RGS6: variants seen among roughly 807,000 people sequenced by gnomAD.
RGS6 encodes regulator of G-protein signaling 6.
Under a neutral mutation model 78.5 loss-of-function variants are expected in RGS6, and 30 were observed. That is an observed-to-expected ratio of 0.38 (90% CI 0.29 to 0.52). The LOEUF (loss-of-function observed/expected upper bound fraction) is 0.52. Ranked by LOEUF, RGS6 falls within the 20% of genes least tolerant of loss-of-function variation. The pLI is 0.85. For missense variants in RGS6, 495 were observed against 609.7 expected (o/e 0.81, Z 1.98); for synonymous variants, 206 against 206.0 (o/e 1.00, Z 0.00).
chr14:72,184,615 T>G (rs774510922), intron 2 of RGS6, among the ~76,000 whole-genome samples: 17 of 152,200 alleles, frequency 1.1e-4, no homozygotes, highest in Admixed American at 6.5e-5. Context: ...ATGCTCTGTT[T>G]GAAATAAAAG....
At chr14:72,180,671 G>T (rs1293101073) in intron 2 of RGS6, among the ~76,000 whole-genome samples, 3 of 152,222 alleles carry the variant, frequency 2.0e-5, no homozygotes, top group Non-Finnish European at 4.4e-5. Flanking sequence ...GTCCCCAAGA[G>T]TTCTTGTGTT....
At chr14:71,994,192 G>T (rs1477772052) in intron 2 of RGS6, among the ~76,000 whole-genome samples, 1 of 151,890 alleles carries the variant, frequency 6.6e-6, no homozygotes, top group Non-Finnish European at 1.5e-5. Flanking sequence ...TCTACTTGGG[G>T]TGTCTTTGAT....
intron 2 of RGS6, among the ~76,000 whole-genome samples, chr14:72,303,533 C>A (rs575798921): frequency 6.4e-4 from 98 of 152,160 alleles, no homozygotes; most frequent in African/African-American, 2.3e-3. Flanking sequence ...AAATGAAAAA[C>A]CAGCTTCCCT....
intron 2 of RGS6, among the ~76,000 whole-genome samples, chr14:72,041,937 T>A (rs1416839642): frequency 1.3e-5 from 2 of 152,156 alleles, no homozygotes; most frequent in African/African-American, 4.8e-5. Flanking sequence ...AGATTCCATA[T>A]CTGTTTCTAT....
intron 1 of RGS6, among the ~76,000 whole-genome samples, chr14:71,940,338 C>G (rs960424531): frequency 6.6e-6 from 1 of 152,154 alleles, no homozygotes; most frequent in Admixed American, 6.5e-5. Context: ...GGGACCCAGC[C>G]TCCCCTTTGT....
At chr14:72,337,744 G>T (rs1010869932) in intron 2 of RGS6, among the ~76,000 whole-genome samples, 1 of 152,170 alleles carries the variant, frequency 6.6e-6, no homozygotes, top group Non-Finnish European at 1.5e-5. Context: ...CTTTTAATCT[G>T]TATGATTAAC....
At chr14:72,494,437 AC>A (rs1306748850) in intron 12 of RGS6, among the ~76,000 whole-genome samples, 2 of 152,212 alleles carry the variant, frequency 1.3e-5, no homozygotes, top group African/African-American at 2.4e-5. Flanking sequence ...TTTAGAAAAA[AC>A]ATAAGGTGGA....
chr14:72,591,752 G>A, the RGS6 span, among the ~76,000 whole-genome samples: 1 of 152,328 alleles, frequency 6.6e-6, no homozygotes, highest in East Asian at 1.9e-4. Flanking sequence ...GTTCGCAGAA[G>A]AGAATAAACA....
the RGS6 span, among the ~76,000 whole-genome samples, chr14:72,607,290 T>C: frequency 6.6e-6 from 1 of 152,198 alleles, no homozygotes; most frequent in Admixed American, 6.5e-5. Flanking sequence ...TTTCTCACAA[T>C]TCTGGAGACT....
chr14:72,427,677 T>G (rs1047194446), intron 3 of RGS6, among the ~76,000 whole-genome samples: 2 of 152,194 alleles, frequency 1.3e-5, no homozygotes, highest in Non-Finnish European at 2.9e-5. Flanking sequence ...CTTTGGCACC[T>G]GGATCACAAC....
Position 72,337,922 on chromosome 14 carries a change from A to C in RGS6, c.85-14173A>C, listed in dbSNP as rs188592265. On this transcript the variant is annotated intron_variant, in intron 2 of 17. Coordinates refer to ENST00000553525, the MANE Select transcript of RGS6 (RefSeq NM_001204424.2). ...TAGATTAAAATCAGAATTAAATCAGATAGATACATGCTTTATCAAATCTCA... is the reference window on the plus strand; with the variant it reads ...TAGATTAAAATCAGAATTAAATCAGCTAGATACATGCTTTATCAAATCTCA... 8.1e-4 allele frequency among the ~76,000 whole-genome samples: 124 copies of C among 152,346 alleles called. 1 individual carries two copies. Among genetic ancestry groups the C allele is most frequent in the Non-Finnish European group, 1.6e-3 (108 of 68,026 alleles).
chr14:72,457,086 A>T (rs1321995912), intron 4 of RGS6, among the ~76,000 whole-genome samples: 1 of 81,220 alleles, frequency 1.2e-5, no homozygotes, highest in Non-Finnish European at 2.5e-5. Flanking sequence ...CCTGTCTCTA[A>T]AAAAAAAAAA....
intron 2 of RGS6, among the ~76,000 whole-genome samples, chr14:72,136,897 A>T (rs1022181621): frequency 2.6e-5 from 4 of 152,192 alleles, no homozygotes; most frequent in African/African-American, 9.7e-5. Context: ...ATTTTCTTGT[A>T]TGCTAATTTG....
At chr14:71,964,919 T>A in intron 2 of RGS6, 44 bp downstream of exon 2, 1 of 1,490,010 alleles carries the variant, frequency 6.7e-7, no homozygotes, top group Non-Finnish European at 9.3e-7. Flanking sequence ...CCGTGTGGAC[T>A]GTTGTGTTCT....
chr14:72,416,250 A>T (rs1419158162), intron 3 of RGS6, among the ~76,000 whole-genome samples: 1 of 152,148 alleles, frequency 6.6e-6, no homozygotes, highest in Non-Finnish European at 1.5e-5. Flanking sequence ...TGTTTAACAG[A>T]GCTCTATATG....
intron 2 of RGS6, among the ~76,000 whole-genome samples, chr14:71,987,104 G>A (rs767186918): frequency 1.1e-4 from 16 of 152,158 alleles, no homozygotes; most frequent in Non-Finnish European, 1.9e-4. Flanking sequence ...GACATCTTTG[G>A]AGGGCCGTTA....
chr14:71,961,383 C>T (rs1345010773), intron 1 of RGS6, among the ~76,000 whole-genome samples: 1 of 152,106 alleles, frequency 6.6e-6, no homozygotes, highest in East Asian at 1.9e-4. Flanking sequence ...GCTGTGTGTC[C>T]TGGTTCTGAT....
chr14:72,447,282 C>A (rs2095389366), intron 3 of RGS6, among the ~76,000 whole-genome samples: 1 of 151,986 alleles, frequency 6.6e-6, no homozygotes, highest in African/African-American at 2.4e-5. Flanking sequence ...TGCTTTCTGC[C>A]CTCACTTCCG....
chr14:72,288,234 A>G (rs1323804222), intron 2 of RGS6, among the ~76,000 whole-genome samples: 1 of 152,196 alleles, frequency 6.6e-6, no homozygotes, highest in Non-Finnish European at 1.5e-5. Context: ...TATATAGGTA[A>G]TTTAGTAAGT....
Sources: allele counts gnomAD v4.1 joint callset (sites outside exome capture counted in the v4.1 genomes callset), GRCh38; gene constraint gnomAD v4.1.1; transcripts MANE v1.5; gene names NCBI Gene and HGNC (gene_info 2026-07-23, HGNC 2026-07-21).